PDE10A: variants seen among roughly 807,000 people sequenced by gnomAD.
The protein encoded by PDE10A is cAMP and cAMP-inhibited cGMP 3',5'-cyclic phosphodiesterase 10A.
In PDE10A, 39 loss-of-function variants were observed where a neutral mutation model predicts 97.7. The ratio of observed to expected loss-of-function variants is 0.40; its 90% CI spans 0.31 to 0.52. PDE10A has a LOEUF of 0.52. PDE10A is among the 20% of genes least tolerant of loss of function. PDE10A has a pLI of 0.56. For synonymous variants in PDE10A, 371 were observed against 376.8 expected (o/e 0.98, Z 0.18); for missense variants, 731 against 1,047.8 (o/e 0.70, Z 4.17).
chr6:165,600,782 A>C (rs1268587372), intron 1 of PDE10A, among the ~76,000 whole-genome samples: 1 of 152,236 alleles, frequency 6.6e-6, no homozygotes. Flanking sequence ...TGCCCTCAGC[A>C]GGACCTGAAG....
intron 14 of PDE10A, 35 bp downstream of exon 14, chr6:165,396,282 G>A (rs756093548): frequency 1.3e-6 from 2 of 1,591,298 alleles, no homozygotes; most frequent in East Asian, 4.5e-5. Flanking sequence ...AATTAAAAAT[G>A]GTTCCTGAAG....
intron 2 of PDE10A, among the ~76,000 whole-genome samples, chr6:165,516,263 T>C (rs573948600): frequency 2.6e-5 from 4 of 152,316 alleles, no homozygotes; most frequent in African/African-American, 9.6e-5. Flanking sequence ...AGTCTCTTAA[T>C]ACTCCCATGT....
chr6:165,895,724 T>TC (rs1456473932), intron 1 of PDE10A, among the ~76,000 whole-genome samples: 1 of 152,158 alleles, frequency 6.6e-6, no homozygotes, highest in Admixed American at 6.5e-5. Context: ...CTCATGTGTG[T>TC]CTTTCCTGAA....
chr6:165,803,791 G>T (rs1779043875), intron 1 of PDE10A, among the ~76,000 whole-genome samples: 1 of 152,288 alleles, frequency 6.6e-6, no homozygotes, highest in African/African-American at 2.4e-5. Context: ...AACCCTCCTT[G>T]TATACTTTTC....
chr6:165,624,098 G>GTCCC (rs1788274505), intron 1 of PDE10A, among the ~76,000 whole-genome samples: 1 of 152,116 alleles, frequency 6.6e-6, no homozygotes, highest in Non-Finnish European at 1.5e-5. Context: ...CTTCCTTAAC[G>GTCCC]TCCCCTTCTT....
chr6:165,804,213 G>C (rs1562744792), intron 1 of PDE10A, among the ~76,000 whole-genome samples: 1 of 152,100 alleles, frequency 6.6e-6, no homozygotes, highest in Non-Finnish European at 1.5e-5. Flanking sequence ...GTGGGCTGAT[G>C]GGCAGATTGA....
chr6:165,337,399 G>C (rs1781714735), intron 20 of PDE10A, among the ~76,000 whole-genome samples: 1 of 152,166 alleles, frequency 6.6e-6, no homozygotes, highest in African/African-American at 2.4e-5. Context: ...CATACAGAAG[G>C]ATCAAATTTA....
intron 10 of PDE10A, among the ~76,000 whole-genome samples, chr6:165,422,803 A>G (rs220814): frequency 0.69 from 104,217 of 152,046 alleles, 36,635 homozygotes; most frequent in African/African-American, 0.85. Flanking sequence ...AAACTATACT[A>G]AAACTGTAAC....
chr6:165,662,527 C>A lies in PDE10A; in HGVS notation c.285G>T (p.Ala95=), dbSNP rs1423843663. 1 of 147,694 alleles carries A rather than the reference C, an allele frequency of 6.8e-6. No individual in the cohort carries two copies. The highest frequency in any genetic ancestry group is 6.7e-5 in the Admixed American group (1 of 14,954). 9.1% of individuals were successfully genotyped at this position (147,694 alleles called of 1,614,324 possible). The part of the protein sequence containing the change: ...SARGGGCGWV[A]ARAPLALAFS... ...AGGCGAGCGCCAAGGGAGCGCGGGC[C>A]GCGACCCAGCCGCAGCCGCCGCCGC... Residue 95 remains alanine (A), a synonymous_variant, in exon 1 of 22, where the codon GCG becomes GCT. Coordinates refer to ENST00000539869, the MANE Select transcript of PDE10A (RefSeq NM_001385079.1).
chr6:165,765,470 C>T (rs1038673132), intron 1 of PDE10A, among the ~76,000 whole-genome samples: 15 of 152,252 alleles, frequency 9.9e-5, no homozygotes, highest in Non-Finnish European at 1.6e-4. Flanking sequence ...TCGAGCGCAG[C>T]GCCGGTGGGC....
At chr6:165,383,451 G>T (rs535887851) in intron 17 of PDE10A, among the ~76,000 whole-genome samples, 1 of 152,250 alleles carries the variant, frequency 6.6e-6, no homozygotes, top group East Asian at 1.9e-4. Flanking sequence ...AAAACAGTCT[G>T]CTCACATGAA....
chr6:165,813,338 C>T (rs1014496507), intron 1 of PDE10A, among the ~76,000 whole-genome samples: 3 of 136,030 alleles, frequency 2.2e-5, no homozygotes. Context: ...AGGGGAAAGA[C>T]ACATGAAACC....
intron 19 of PDE10A, among the ~76,000 whole-genome samples, chr6:165,343,155 G>A (rs566148400): frequency 2.6e-5 from 4 of 152,290 alleles, no homozygotes; most frequent in African/African-American, 9.6e-5. Context: ...TGTTCAGTGA[G>A]TAAGTTCCTA....
Position 165,332,399 on chromosome 6 carries a change from T to A in PDE10A, c.*626A>T, listed in dbSNP as rs1781388873. Reference sequence around the variant, plus strand: ...TTGATCTCAGCCCTTTAGGTTGAACTTAAAGAATTATGTTTAGTCTAACTA... The same window carrying A: ...TTGATCTCAGCCCTTTAGGTTGAACATAAAGAATTATGTTTAGTCTAACTA... On this transcript the variant is annotated 3_prime_UTR_variant, in exon 22 of 22. Transcript: ENST00000539869. 6.6e-6 allele frequency: 1 copy of A among 152,238 alleles called. No homozygotes were observed. The highest frequency in any genetic ancestry group is 6.5e-5 in the Admixed American group (1 of 15,282). 9.4% of individuals were successfully genotyped at this position (152,238 alleles called of 1,614,324 possible).
intron 1 of PDE10A, among the ~76,000 whole-genome samples, chr6:165,902,551 G>A (rs568421306): frequency 2.0e-5 from 3 of 152,218 alleles, no homozygotes; most frequent in African/African-American, 2.4e-5. Context: ...GGCTCTCTTC[G>A]GCATTCCTTA....
upstream of PDE10A, among the ~76,000 whole-genome samples, chr6:165,665,502 G>C (rs778326461): frequency 6.6e-6 from 1 of 152,294 alleles, no homozygotes; most frequent in Non-Finnish European, 1.5e-5. Context: ...ACTGCATTCT[G>C]ATAGTTCCCA....
intron 1 of PDE10A, among the ~76,000 whole-genome samples, chr6:165,984,227 G>A (rs1183596631): frequency 2.0e-5 from 3 of 152,184 alleles, no homozygotes. Context: ...ATGGATATAG[G>A]TACTTACTGT....
chr6:165,552,887 T>C (rs907894303), intron 1 of PDE10A, among the ~76,000 whole-genome samples: 1 of 152,146 alleles, frequency 6.6e-6, no homozygotes, highest in African/African-American at 2.4e-5. Context: ...AGAAGACTAA[T>C]AGGGAGTGCT....
Position 165,532,900 on chromosome 6 carries a change from T to C in PDE10A, c.994+10540A>G, listed in dbSNP as rs1156573220. Among the ~76,000 whole-genome samples, 3 of 152,274 alleles carry C rather than the reference T, an allele frequency of 2.0e-5. No homozygotes were observed. In the East Asian group the frequency reaches 5.8e-4, roughly 29 times the overall value. ...ACCGGAGTCACTGCTCTCTAAAGGC[T>C]TCATATATTCTTTCACCACAAAATA... On this transcript the variant is annotated intron_variant, in intron 2 of 21. Coordinates refer to ENST00000539869, the MANE Select transcript of PDE10A (RefSeq NM_001385079.1).
Sources: allele counts gnomAD v4.1 joint callset (sites outside exome capture counted in the v4.1 genomes callset), GRCh38; gene constraint gnomAD v4.1.1; transcripts MANE v1.5; gene names NCBI Gene and HGNC (gene_info 2026-07-23, HGNC 2026-07-21).